Variants in NDUFV3 observed in about 807,000 individuals in gnomAD.
The protein encoded by NDUFV3 is NADH:ubiquinone oxidoreductase subunit V3.
In NDUFV3, 44 loss-of-function variants were observed where a neutral mutation model predicts 37.5. That is an observed-to-expected ratio of 1.17 (90% CI 0.92 to 1.51). The LOEUF is 1.51. Ranked by LOEUF, NDUFV3 falls within the 40% of genes most tolerant of loss-of-function variation. The pLI, the probability that NDUFV3 is intolerant of heterozygous loss-of-function variation, is 0.00. For missense variants in NDUFV3, 580 were observed against 580.4 expected, an observed-to-expected ratio of 1.00 and a Z score of 0.01; for synonymous variants, 235 against 239.3, an observed-to-expected ratio of 0.98 and a Z score of 0.17.
intron 2 of NDUFV3, 145 bp downstream of exon 2, chr21:42,897,192 A>T: frequency 1.1e-6 from 1 of 932,332 alleles, no homozygotes. Flanking sequence ...ACAAGACACA[A>T]GATCTATAAC....
intron 2 of NDUFV3, among the ~76,000 whole-genome samples, chr21:42,897,883 A>T (rs750097326): frequency 6.6e-6 from 1 of 151,528 alleles, no homozygotes; most frequent in Non-Finnish European, 1.5e-5. Flanking sequence ...TCACCATGTT[A>T]GCCGGGATGG....
chr21:42,903,143 G>A (rs1378437506), intron 2 of NDUFV3, 39 bp from the exon 3 acceptor site: 1 of 1,613,396 alleles, frequency 6.2e-7, no homozygotes, highest in East Asian at 2.2e-5. Context: ...GTTTTAAGTT[G>A]TTTTGTTAAA....
chr21:42,897,244 C>T (rs1205423225), intron 2 of NDUFV3, among the ~76,000 whole-genome samples, 197 bp downstream of exon 2: 1 of 152,158 alleles, frequency 6.6e-6, no homozygotes, highest in African/African-American at 2.4e-5. Context: ...TAGTCTTTGA[C>T]TGAATATTTA....
chr21:42,897,653 G>A (rs1256093375), intron 2 of NDUFV3, among the ~76,000 whole-genome samples: 1 of 152,100 alleles, frequency 6.6e-6, no homozygotes, highest in Non-Finnish European at 1.5e-5. Context: ...GATTACAGGC[G>A]TGAGCCACTG....
chr21:42,909,608 T>C lies in NDUFV3; in HGVS notation c.*587T>C. On this transcript the variant is annotated 3_prime_UTR_variant, in exon 4 of 4. Transcript: ENST00000354250. ...GAGAATTTTAAGTGCTTTAGAGCGG[T>C]GTGATTCTACTGTGCTCAGCCTAGT... 1 of 166,178 alleles carries C rather than the reference T, an allele frequency of 6.0e-6. No individual in the cohort carries two copies. 10.3% of individuals were successfully genotyped at this position (166,178 alleles called of 1,614,324 possible).
chr21:42,896,346 C>T (rs74919344), intron 1 of NDUFV3, among the ~76,000 whole-genome samples: 5,072 of 141,168 alleles, frequency 0.036, 126 homozygotes, highest in Middle Eastern at 0.12. Context: ...TTAGTAGAGA[C>T]GGGGTTTCAC....
rs1299485533 is a variant in NDUFV3, at chr21:42,903,309, C to T, written c.297C>T (p.Pro99=). The part of the protein sequence containing the change: ...AVNKGRKVAS[P]SPSGSVLFTD... The stretch of plus-strand genomic sequence containing the variant: ...ATAAGGGCAGGAAGGTAGCTAGTCC[C>T]AGTCCCAGTGGCAGCGTGCTATTCA... The change falls in exon 3 of 4, where the codon CCC becomes CCT. Residue 99 remains proline (P), a synonymous_variant. Coordinates refer to ENST00000354250, the MANE Select transcript of NDUFV3 (RefSeq NM_021075.4). The T allele has an allele frequency of 2.5e-6, 4 of 1,614,204 alleles. No individual in the cohort carries two copies. The South Asian group carries it at 3.3e-5, about 13-fold the overall frequency.
At chr21:42,893,448 G>T in intron 1 of NDUFV3, 67 bp downstream of exon 1, 1 of 1,515,066 alleles carries the variant, frequency 6.6e-7, no homozygotes, top group Non-Finnish European at 8.8e-7. Context: ...GGGTGAGGGG[G>T]CGCGGTGCTG....
chr21:42,897,176 G>T (rs934642051), intron 2 of NDUFV3, 129 bp downstream of exon 2: 4 of 1,036,198 alleles, frequency 3.9e-6, no homozygotes, highest in Non-Finnish European at 5.8e-6. Context: ...GCAGTGTCCA[G>T]ATTATACAAG....
At chr21:42,896,111 G>C (rs1454953277) in intron 1 of NDUFV3, among the ~76,000 whole-genome samples, 1 of 148,318 alleles carries the variant, frequency 6.7e-6, no homozygotes, top group African/African-American at 2.5e-5. Context: ...AGCCTCTGCA[G>C]TACCTGGAAC....
rs540382630 is a variant in NDUFV3, at chr21:42,910,322, CAAAAA to C, written c.*1305_*1309del. ...CTGGGCAACAGGAGTGAAACTCAAT[CAAAAA>C]AAAGGAACAGGAATGTTACTAATTT... On this transcript the variant is annotated 3_prime_UTR_variant, in exon 4 of 4. Coordinates refer to ENST00000354250, the MANE Select transcript of NDUFV3 (RefSeq NM_021075.4). The C allele has an allele frequency of 6.6e-6, 1 of 150,856 alleles. No homozygotes were observed. Among genetic ancestry groups the C allele is most frequent in the African/African-American group, 2.4e-5 (1 of 41,068 alleles). 9.3% of individuals were successfully genotyped at this position (150,856 alleles called of 1,614,324 possible). A position where few individuals can be genotyped will look rare whatever the true frequency, so the allele number is the denominator to read the frequency against.
At chr21:42,902,581 C>T (rs2058721763) in intron 2 of NDUFV3, among the ~76,000 whole-genome samples, 1 of 152,158 alleles carries the variant, frequency 6.6e-6, no homozygotes, top group Non-Finnish European at 1.5e-5. Flanking sequence ...CGAATTCCTG[C>T]TTTCACTAAT....
rs145166807 is a variant in NDUFV3, at chr21:42,904,278, T to C, written c.1264+2T>C. The C allele has an allele frequency of 6.3e-7, 1 of 1,589,962 alleles. No individual in the cohort carries two copies. The highest frequency in any genetic ancestry group is 1.8e-5 in the Admixed American group (1 of 55,592). ...GGGACGACCGAGGCGGCACACAGGG[T>C]ATACCTTGACTCGCGCTCCCAAGTG... is the stretch of plus-strand genomic sequence containing the variant. On this transcript the variant is annotated splice_donor_variant, in intron 3 of 3. Coordinates refer to ENST00000354250, the MANE Select transcript of NDUFV3 (RefSeq NM_021075.4). LOFTEE classifies it high-confidence loss of function.
intron 2 of NDUFV3, among the ~76,000 whole-genome samples, chr21:42,901,299 G>T (rs1442492047): frequency 6.6e-6 from 1 of 151,906 alleles, no homozygotes; most frequent in Non-Finnish European, 1.5e-5. Flanking sequence ...AAAATTAGCC[G>T]GGCGTGGTGG....
chr21:42,903,853 A>G lies in NDUFV3; in HGVS notation c.841A>G (p.Ser281Gly). ...TAGATTAAATGAAATAGATAAAGAA[A>G]GCCAAAAGCCATTTGAAGTTAAAGG... ...TFRLNEIDKE[S>G]QKPFEVKGPL... is the part of the protein sequence containing the mutation. The change falls in exon 3 of 4, where the codon AGC becomes GGC. Residue 281 changes from serine (S) to glycine (G), a missense_variant. Transcript: ENST00000354250. 2 of 1,612,826 alleles carry G rather than the reference A, an allele frequency of 1.2e-6. No homozygotes were observed. The highest frequency in any genetic ancestry group is 1.7e-4 in the Middle Eastern group (1 of 6,058).
At position 42,904,387 on chromosome 21, in the gene NDUFV3, C is replaced by A. The variant is rs562689376; in HGVS notation, c.1264+111C>A. Reference sequence around the variant, plus strand: ...GTGTTACAATTAGTCAAATTCTGTACTAGAAATATGGCCTGTAACGCTGTC... The same window carrying A: ...GTGTTACAATTAGTCAAATTCTGTAATAGAAATATGGCCTGTAACGCTGTC... On this transcript the variant is annotated intron_variant, in intron 3 of 3. Coordinates refer to ENST00000354250, the MANE Select transcript of NDUFV3 (RefSeq NM_021075.4). The A allele has an allele frequency of 5.6e-5, 80 of 1,438,720 alleles. No individual in the cohort carries two copies. The East Asian group carries it at 1.8e-3, about 32-fold the overall frequency. 89.1% of individuals were successfully genotyped at this position (1,438,720 alleles called of 1,614,324 possible).
chr21:42,893,487 A>G (rs2058666987), intron 1 of NDUFV3, 106 bp downstream of exon 1: 1 of 1,333,500 alleles, frequency 7.5e-7, no homozygotes, highest in Non-Finnish European at 1.0e-6. Context: ...CGCGACCTCT[A>G]GCCGTCCTAG....
Position 42,908,849 on chromosome 21 carries a change from G to C in NDUFV3, c.1265-15G>C, listed in dbSNP as rs190708954. 1.3e-5 allele frequency: 21 copies of C among 1,614,002 alleles called. No homozygotes were observed. Among genetic ancestry groups the C allele is most frequent in the Non-Finnish European group, 1.6e-5 (19 of 1,180,022 alleles). On this transcript the variant is annotated splice_polypyrimidine_tract_variant and intron_variant, in intron 3 of 3. Coordinates refer to ENST00000354250, the MANE Select transcript of NDUFV3 (RefSeq NM_021075.4). ...TCCTTGTGTTGGTCTCATGGGCATC[G>C]TGTTTCCTCCGCAGAGCCAGCCCCA... is the stretch of plus-strand genomic sequence containing the variant.
At chr21:42,899,801 A>G (rs1269355083) in intron 2 of NDUFV3, among the ~76,000 whole-genome samples, 1 of 151,122 alleles carries the variant, frequency 6.6e-6, no homozygotes, top group African/African-American at 2.4e-5. Context: ...GCTGGTTTTG[A>G]ACTCCCGACC....
Sources: gnomAD v4.1 joint callset for allele counts (sites outside exome capture counted in the v4.1 genomes callset) on GRCh38, gnomAD v4.1.1 for gene constraint, MANE v1.5 for transcripts, NCBI Gene and HGNC (gene_info 2026-07-23, HGNC 2026-07-21) for gene names.